The following PCDHGB4 variants were observed in gnomAD, a reference collection of about 807,000 sequenced individuals.
PCDHGB4 encodes the protein protocadherin gamma-B4.
A neutral mutation model predicts 60.5 loss-of-function variants in PCDHGB4; 38 were observed. That is an observed-to-expected ratio of 0.63 (90% CI 0.48 to 0.82). PCDHGB4 has a LOEUF of 0.82. Among genes scored for constraint, PCDHGB4 ranks in the 40% least tolerant of loss-of-function variants. The probability of loss-of-function intolerance (pLI) is 0.00; values close to 1 mark genes in which losing one functional copy is unlikely to be tolerated. For missense variants in PCDHGB4, 1,109 were observed against 1,209.6 expected (o/e 0.92, Z 1.23); for synonymous variants, 456 against 509.7 (o/e 0.89, Z 1.42).
At chr5:141,509,777 G>A (rs1244876699) in intron 3 of PCDHGB4, among the ~76,000 whole-genome samples, 1 of 152,100 alleles carries the variant, frequency 6.6e-6, no homozygotes, top group Non-Finnish European at 1.5e-5. Flanking sequence ...TCTAGTCCCC[G>A]AGATCATCAT....
rs1160304959 is a variant in PCDHGB4, at chr5:141,490,969, C to A, written c.2398-3838C>A. On this transcript the variant is annotated intron_variant, in intron 1 of 3. Coordinates refer to ENST00000519479, the MANE Select transcript of PCDHGB4 (RefSeq NM_003736.4). This position sits in a 1 kb window ranked among gnomAD's most constrained non-coding sequence, Gnocchi z 5.4. ...GCCAGACTGGGAACACTCAGCCCCC[C>A]AGCGTCTCCCTCGCTCTGCTCCTCC... The A allele has an allele frequency of 2.5e-6, 4 of 1,613,820 alleles. No individual in the cohort carries two copies. In the African/African-American group the frequency reaches 4.0e-5, roughly 16 times the overall value.
chr5:141,420,415 T>G, intron 1 of PCDHGB4: 1 of 1,217,298 alleles, frequency 8.2e-7, no homozygotes, highest in Non-Finnish European at 1.1e-6. Flanking sequence ...TTATCATTAT[T>G]AAAACAAAAG....
chr5:141,437,794 G>A (rs1162440523), intron 1 of PCDHGB4, among the ~76,000 whole-genome samples: 3 of 150,526 alleles, frequency 2.0e-5, no homozygotes, highest in Non-Finnish European at 4.4e-5. Flanking sequence ...CTGGAGTGCA[G>A]TGGCACTATC....
chr5:141,424,799 A>G (rs552155487), intron 1 of PCDHGB4: 90 of 152,274 alleles, frequency 5.9e-4, no homozygotes, highest in African/African-American at 2.1e-3. Context: ...ATTCAGACCA[A>G]CTTGTTATTG....
intron 1 of PCDHGB4, chr5:141,391,234 G>C (rs2092322160): frequency 6.6e-6 from 1 of 151,932 alleles, no homozygotes; most frequent in African/African-American, 2.4e-5. Context: ...CCTTTTGCTA[G>C]GTATATCTAA....
At chr5:141,464,223 CCACTGCA>C (rs916210777) in intron 1 of PCDHGB4, among the ~76,000 whole-genome samples, 4 of 150,824 alleles carry the variant, frequency 2.7e-5, no homozygotes, top group Non-Finnish European at 4.4e-5. Flanking sequence ...TGAGATTGCG[CCACTGCA>C]CTCCAGCCTG....
In PCDHGB4 at chr5:141,486,049, C is replaced by T. The variant is rs766853468; in HGVS notation, c.2398-8758C>T. 1 of 1,614,206 alleles carries T rather than the reference C, an allele frequency of 6.2e-7. No homozygotes were observed. The highest frequency in any genetic ancestry group is 8.5e-7 in the Non-Finnish European group (1 of 1,180,034). ...ATACCCCTGATCGTGTAAGAAACCT[C>T]TTTAGCCTGCACCCCACTACTGGAA... On this transcript the variant is annotated intron_variant, in intron 1 of 3. Transcript: ENST00000519479. The surrounding 1 kb of genome is among the most constrained non-coding windows in gnomAD (Gnocchi z 5.0).
intron 1 of PCDHGB4, chr5:141,427,831 G>T: frequency 7.1e-6 from 11 of 1,539,366 alleles, no homozygotes; most frequent in Non-Finnish European, 9.8e-6. Context: ...GTCGCGCAGC[G>T]TGCCTTCGAC....
chr5:141,414,597 C>T, intron 1 of PCDHGB4: 5 of 1,613,972 alleles, frequency 3.1e-6, no homozygotes, highest in Non-Finnish European at 3.4e-6. Flanking sequence ...GGGGTGCCTC[C>T]ATCTTCTCAG....
At position 141,389,610 on chromosome 5, in the gene PCDHGB4, G is replaced by C; in HGVS notation, c.1726G>C (p.Val576Leu). ...CGACGGCTCTGCGCTCTTCGATATG[G>C]TGCCGCACGCTGCAGAGCCTGGCTA... ...GPDGSALFDM[V>L]PHAAEPGYLV... The change falls in exon 1 of 4, where the codon GTG (valine) becomes CTG (leucine). Residue 576 changes from valine (V) to leucine (L), a missense_variant. This residue lies in a region of PCDHGB4 where 1,068 missense variants were observed against 1,089.9 expected (regional missense o/e 0.98). Coordinates refer to ENST00000519479, the MANE Select transcript of PCDHGB4 (RefSeq NM_003736.4). 6.2e-7 allele frequency: 1 copy of C among 1,613,118 alleles called. No homozygotes were observed. Among genetic ancestry groups the C allele is most frequent in the Non-Finnish European group, 8.5e-7 (1 of 1,179,820 alleles).
intron 1 of PCDHGB4, chr5:141,428,371 C>A: frequency 5.6e-6 from 3 of 536,772 alleles, no homozygotes; most frequent in Non-Finnish European, 1.0e-5. Flanking sequence ...CGCCTTGCAC[C>A]TGCGATGCTC....
chr5:141,506,294 C>T (rs1165174121), intron 3 of PCDHGB4, among the ~76,000 whole-genome samples: 1 of 151,888 alleles, frequency 6.6e-6, no homozygotes, highest in African/African-American at 2.4e-5. Context: ...ACTAAAAATA[C>T]AAAAATTAGC....
intron 1 of PCDHGB4, chr5:141,393,906 G>C: frequency 1.2e-6 from 2 of 1,613,998 alleles, no homozygotes; most frequent in Non-Finnish European, 1.7e-6. Context: ...TCCCGGGACA[G>C]TAATTGCCTT....
At chr5:141,405,231 C>T in intron 1 of PCDHGB4, 2 of 1,614,130 alleles carry the variant, frequency 1.2e-6, no homozygotes, top group Non-Finnish European at 1.7e-6. Flanking sequence ...TTCTCCCTCA[C>T]CGCTGACTCA....
At chr5:141,428,081 C>G (rs768842388) in intron 1 of PCDHGB4, 3 of 1,609,218 alleles carry the variant, frequency 1.9e-6, no homozygotes, top group South Asian at 2.2e-5. Context: ...CGGGACACAA[C>G]GCTTGGCTGT....
chr5:141,389,992 T>A lies in PCDHGB4; in HGVS notation c.2108T>A (p.Val703Glu). The A allele has an allele frequency of 6.2e-7, 1 of 1,614,010 alleles. No individual in the cohort carries two copies. The stretch of plus-strand genomic sequence containing the variant: ...GCCTTGATCTCAGTGCTCTTCCTCG[T>A]GGCCATGATTCTGGCCATTGCCTTG... ...ALALISVLFL[V>E]AMILAIALRL... Residue 703 changes from valine to glutamate, a missense_variant, in exon 1 of 4, where the codon GTG (valine) becomes GAG (glutamate). Transcript: ENST00000519479.
chr5:141,431,921 G>A lies in PCDHGB4; in HGVS notation c.2397+41640G>A. The A allele has an allele frequency of 1.9e-6, 3 of 1,614,142 alleles. No homozygotes were observed. Among genetic ancestry groups the A allele is most frequent in the South Asian group, 2.2e-5 (2 of 91,084 alleles). On this transcript the variant is annotated intron_variant, in intron 1 of 3. Transcript: ENST00000519479. The surrounding 1 kb of genome is among the most constrained non-coding windows in gnomAD (Gnocchi z 4.8). ...CGGACAGGTGATCTGTTTCATCCAA[G>A]GAAATCTGCCCTTTAAATTAGAAAA...
rs770619389 is a variant in PCDHGB4 at position 141,490,764 on chromosome 5, T to C, written c.2398-4043T>C. On this transcript the variant is annotated intron_variant, in intron 1 of 3. Coordinates refer to ENST00000519479, the MANE Select transcript of PCDHGB4 (RefSeq NM_003736.4). The surrounding 1 kb of genome is among the most constrained non-coding windows in gnomAD (Gnocchi z 5.4). ...GAGCCCCAGCCTCCTCCTTTGTGTA[T>C]GTCAACCCAGAGGATGGACGGATCT... is the stretch of plus-strand genomic sequence containing the variant. 22 of 1,613,970 alleles carry C rather than the reference T, an allele frequency of 1.4e-5. No individual in the cohort carries two copies. Among genetic ancestry groups the C allele is most frequent in the Non-Finnish European group, 1.6e-5 (19 of 1,179,928 alleles).
At chr5:141,442,472 C>A (rs1032989256) in intron 1 of PCDHGB4, 4 of 152,204 alleles carry the variant, frequency 2.6e-5, no homozygotes, top group African/African-American at 9.7e-5. Flanking sequence ...GCAGAAAGCC[C>A]CTTGGGGAAG....
Sources: gnomAD v4.1 joint callset for allele counts (sites outside exome capture counted in the v4.1 genomes callset) on GRCh38, gnomAD v4.1.1 for gene constraint, gnomAD v4.1.1 regional missense constraint, Gnocchi (gnomAD v3.1) non-coding constraint, MANE v1.5 for transcripts, NCBI Gene and HGNC (gene_info 2026-07-23, HGNC 2026-07-21) for gene names.